Variants in BICDL2 observed in about 807,000 individuals in gnomAD.
The protein encoded by BICDL2 is BICD family like cargo adaptor 2.
BICDL2 carries 62 observed loss-of-function variants against 56.6 expected under a neutral mutation model. The observed-to-expected ratio is 1.10, with a 90% confidence interval of 0.89 to 1.35. The LOEUF is 1.35. Ranked by LOEUF, BICDL2 falls within the 40% of genes most tolerant of loss-of-function variation. BICDL2 has a pLI of 0.00. For missense variants in BICDL2, 808 were observed against 684.5 expected (o/e 1.18, Z -2.01); for synonymous variants, 358 against 319.8 (o/e 1.12, Z -1.27).
intron 2 of BICDL2, chr16:3,034,905 G>A (rs1419877889): frequency 2.9e-6 from 1 of 343,060 alleles, no homozygotes; most frequent in African/African-American, 2.1e-5. Flanking sequence ...TAGAGACAGA[G>A]TCTCACTACG....
intron 1 of BICDL2, 50 bp downstream of exon 1, chr16:3,036,833 GCCGGACCAGGC>G (rs1179676594): frequency 3.1e-6 from 1 of 322,894 alleles, no homozygotes; most frequent in Non-Finnish European, 6.0e-6. Flanking sequence ...CGCCGACGCG[GCCGGACCAGGC>G]CCTCCCCAGG....
chr16:3,035,918 A>T, intron 1 of BICDL2: 1 of 293,612 alleles, frequency 3.4e-6, no homozygotes, highest in Non-Finnish European at 6.6e-6. Flanking sequence ...CAGCAGTTGG[A>T]GTTGGGCCCA....
chr16:3,031,255 A>G, intron 2 of BICDL2, 105 bp from the exon 3 acceptor site: 1 of 994,424 alleles, frequency 1.0e-6, no homozygotes, highest in East Asian at 2.6e-5. Context: ...AGAAAGCCTA[A>G]GGGGGCCTTG....
In BICDL2 at chr16:3,030,991, G is replaced by C; in HGVS notation, c.442C>G (p.Arg148Gly). 6.4e-7 allele frequency: 1 copy of C among 1,553,842 alleles called. No individual in the cohort carries two copies. Among genetic ancestry groups the C allele is most frequent in the South Asian group, 1.2e-5 (1 of 85,142 alleles). ...EQQDSGRERA[R>G]ALSELSEQNL... is the part of the protein sequence containing the mutation. ...TGCTCGCTGAGCTCGCTGAGGGCCC[G>C]TGCCCGTTCTCGCCCACTGTCCTGC... The change falls in exon 3 of 10, where the codon CGG becomes GGG. Residue 148 changes from arginine to glycine, a missense_variant. Physicochemically the swap from Arg to Gly is moderately radical, Grantham distance 125. Transcript: ENST00000572449.
At position 3,030,957 on chromosome 16, in the gene BICDL2, C is replaced by G. The variant is rs868374217; in HGVS notation, c.476G>C (p.Arg159Pro). Residue 159 changes from arginine to proline, a missense_variant, in exon 3 of 10, where the codon CGG becomes CCG. Transcript: ENST00000572449. ...ALSELSEQNL[R>P]LSQQLAQASQ... Reference sequence around the variant, plus strand: ...CACCTGAGCCAGCTGCTGGCTGAGCCGGAGGTTCTGCTCGCTGAGCTCGCT... The same window carrying G: ...CACCTGAGCCAGCTGCTGGCTGAGCGGGAGGTTCTGCTCGCTGAGCTCGCT... 2 of 1,550,278 alleles carry G rather than the reference C, an allele frequency of 1.3e-6. No individual in the cohort carries two copies. The highest frequency in any genetic ancestry group is 8.7e-7 in the Non-Finnish European group (1 of 1,153,776).
chr16:3,029,703 T>C lies in BICDL2; in HGVS notation c.799A>G (p.Ser267Gly). The change falls in exon 6 of 10, where the codon AGT (serine) becomes GGT (glycine). Residue 267 changes from serine to glycine, a missense_variant. Coordinates refer to ENST00000572449, the MANE Select transcript of BICDL2 (RefSeq NM_001369667.1). ...CGCCGCTGCAGCCTCCGCAGCGCAC[T>C]CAGCGCCTCCCCAGCCTCTGACCGT... The part of the protein sequence containing the change: ...RARSEAGEAL[S>G]ALRRLQRRVS... The C allele has an allele frequency of 6.5e-7, 1 of 1,540,738 alleles. No individual in the cohort carries two copies. Among genetic ancestry groups the C allele is most frequent in the Non-Finnish European group, 8.7e-7 (1 of 1,150,272 alleles).
rs148635155 is a variant in BICDL2 at position 3,028,957 on chromosome 16, C to T, written c.1108-127G>A. ...CGACAGACACCCCAGGCAGCCGTGG[C>T]CCTGTGCTGGAGACTCCGATATGAG... On this transcript the variant is annotated intron_variant, in intron 7 of 9. Coordinates refer to ENST00000572449, the MANE Select transcript of BICDL2 (RefSeq NM_001369667.1). The T allele has an allele frequency of 1.0e-4, 133 of 1,301,106 alleles. 1 individual carries two copies. The East Asian group carries it at 3.2e-3, about 31-fold the overall frequency. The allele number at this position is 1,301,106 out of a possible 1,614,324, so 80.6% of individuals were successfully genotyped here.
In BICDL2 at chr16:3,031,008, C is replaced by G; in HGVS notation, c.425G>C (p.Ser142Thr). The part of the protein sequence containing the change: ...LGEQRSEQQD[S>T]GRERARALSE... ...GAGGGCCCGTGCCCGTTCTCGCCCA[C>G]TGTCCTGCTGCTCTGAGCGCTGCTC... is the stretch of plus-strand genomic sequence containing the variant. The change falls in exon 3 of 10, where the codon AGT (serine) becomes ACT (threonine). Residue 142 changes from serine to threonine, a missense_variant. Transcript: ENST00000572449. 1 of 1,552,980 alleles carries G rather than the reference C, an allele frequency of 6.4e-7. No individual in the cohort carries two copies. The highest frequency in any genetic ancestry group is 2.4e-5 in the East Asian group (1 of 41,720).
Position 3,028,430 on chromosome 16 carries a change from A to G in BICDL2, c.1277T>C (p.Leu426Pro), listed in dbSNP as rs1955590068. The G allele has an allele frequency of 6.4e-7, 1 of 1,562,070 alleles. No individual in the cohort carries two copies. Among genetic ancestry groups the G allele is most frequent in the African/African-American group, 1.4e-5 (1 of 74,050 alleles). Residue 426 changes from leucine (L) to proline (P), a missense_variant, in exon 9 of 10, where the codon CTG becomes CCG. Physicochemically the swap from Leu to Pro is moderately conservative, Grantham distance 98. Transcript: ENST00000572449. ...ELSLQLNRVS[L>P]ERDSLSRELL... ...CTCCCGAGACAGGGAGTCTCGCTCCAGCGAGACGCGGTTGAGCTGCAGGGA... is the reference window on the plus strand; with the variant it reads ...CTCCCGAGACAGGGAGTCTCGCTCCGGCGAGACGCGGTTGAGCTGCAGGGA...
At chr16:3,030,869 T>C (rs1285937286) in intron 3 of BICDL2, 57 bp from the exon 4 acceptor site, 11 of 1,553,850 alleles carry the variant, frequency 7.1e-6, no homozygotes, top group Non-Finnish European at 8.7e-6. Flanking sequence ...ATGCACCTAC[T>C]CCCCGCTGGG....
At chr16:3,028,530 C>G in intron 8 of BICDL2, 62 bp from the exon 9 acceptor site, 3 of 1,550,200 alleles carry the variant, frequency 1.9e-6, no homozygotes, top group South Asian at 1.2e-5. Flanking sequence ...GCCGGGGTGG[C>G]GGGGGACTTC....
chr16:3,030,693 C>G lies in BICDL2; in HGVS notation c.615+3G>C. The G allele has an allele frequency of 6.2e-7, 1 of 1,610,126 alleles. No homozygotes were observed. The highest frequency in any genetic ancestry group is 8.5e-7 in the Non-Finnish European group (1 of 1,179,084). ...TAATCCCCCAGCCCCAGCTGACACT[C>G]ACTTCCCCCTGCAGACTCTCCAGCC... On this transcript the variant is annotated splice_donor_region_variant and intron_variant, in intron 4 of 9. Transcript: ENST00000572449.
chr16:3,028,229 G>T lies in BICDL2; in HGVS notation c.1404C>A (p.Arg468=). ...ACGCGGAGGCGCTCAGCTCCTTCTGGCGCTGTGAGCGCAGCTGCTGCCCGA... is the reference window on the plus strand; with the variant it reads ...ACGCGGAGGCGCTCAGCTCCTTCTGTCGCTGTGAGCGCAGCTGCTGCCCGA... The part of the protein sequence containing the change: ...VVIGQQLRSQ[R]QKELSASASS... Residue 468 remains arginine (R), a synonymous_variant, in exon 10 of 10, where the codon CGC becomes CGA. Transcript: ENST00000572449. The T allele has an allele frequency of 6.8e-7, 1 of 1,471,510 alleles. No individual in the cohort carries two copies. The highest frequency in any genetic ancestry group is 8.9e-7 in the Non-Finnish European group (1 of 1,122,998). The allele number at this position is 1,471,510 out of a possible 1,614,324, so 91.2% of individuals were successfully genotyped here.
At chr16:3,035,106 C>T in intron 2 of BICDL2, 109 bp downstream of exon 2, 1 of 1,168,832 alleles carries the variant, frequency 8.6e-7, no homozygotes. Context: ...CGGCTGTCCT[C>T]CCCAGCTCCT....
chr16:3,031,368 G>A (rs557965279), intron 2 of BICDL2: 36 of 582,556 alleles, frequency 6.2e-5, no homozygotes, highest in African/African-American at 1.9e-4. Flanking sequence ...GCGTGGGCCC[G>A]GGGCAAGGGT....
rs989974917 is a variant in BICDL2 at position 3,030,460 on chromosome 16, G to T, written c.751C>A (p.His251Asn). 1.9e-6 allele frequency: 3 copies of T among 1,585,400 alleles called. No homozygotes were observed. The highest frequency in any genetic ancestry group is 1.7e-5 in the Admixed American group (1 of 57,734). Residue 251 changes from histidine (H) to asparagine (N), a missense_variant, in exon 5 of 10, where the codon CAC becomes AAC. Physicochemically the swap from His to Asn is moderately conservative, Grantham distance 68. Coordinates refer to ENST00000572449, the MANE Select transcript of BICDL2 (RefSeq NM_001369667.1). ...GCCCTGCAGGTCACCTCCAGGCTGT[G>T]CTCCCGCCGCTCCCGCCTCAGCAGC... is the stretch of plus-strand genomic sequence containing the variant. The part of the protein sequence containing the change: ...LLLLRRERRE[H>N]SLELERARSE...
chr16:3,028,402 C>G lies in BICDL2; in HGVS notation c.1305G>C (p.Leu435=). 6.4e-7 allele frequency: 1 copy of G among 1,553,734 alleles called. No homozygotes were observed. Among genetic ancestry groups the G allele is most frequent in the Non-Finnish European group, 8.6e-7 (1 of 1,158,028 alleles). ...CCACCTTCTGGCGGATGGCGCGCAGCAGCTCCCGAGACAGGGAGTCTCGCT... is the reference window on the plus strand; with the variant it reads ...CCACCTTCTGGCGGATGGCGCGCAGGAGCTCCCGAGACAGGGAGTCTCGCT... The part of the protein sequence containing the change: ...SLERDSLSRE[L]LRAIRQKVAL... Residue 435 remains leucine, a synonymous_variant, in exon 9 of 10, where the codon CTG becomes CTC. Coordinates refer to ENST00000572449, the MANE Select transcript of BICDL2 (RefSeq NM_001369667.1).
chr16:3,031,233 A>G (rs982951734), intron 2 of BICDL2, 83 bp from the exon 3 acceptor site: 1 of 1,247,328 alleles, frequency 8.0e-7, no homozygotes. Context: ...ATGGAGGGAC[A>G]GACACCTAGG....
chr16:3,031,044 G>T lies in BICDL2; in HGVS notation c.389C>A (p.Ala130Asp). Residue 130 changes from alanine (A) to aspartate (D), a missense_variant, in exon 3 of 10, where the codon GCC becomes GAC. Physicochemically the swap from Ala to Asp is moderately radical, Grantham distance 126. Coordinates refer to ENST00000572449, the MANE Select transcript of BICDL2 (RefSeq NM_001369667.1). Reference sequence around the variant, plus strand: ...CTCTGAGCGCTGCTCCCCAAGCTGGGCCCGCAGGGCCTCCACGTCCCCCTC... The same window carrying T: ...CTCTGAGCGCTGCTCCCCAAGCTGGTCCCGCAGGGCCTCCACGTCCCCCTC... ...ELEGDVEALR[A>D]QLGEQRSEQQ... 1 of 1,540,758 alleles carries T rather than the reference G, an allele frequency of 6.5e-7. No homozygotes were observed. Among genetic ancestry groups the T allele is most frequent in the East Asian group, 2.4e-5 (1 of 41,016 alleles).
Sources: allele counts gnomAD v4.1 joint callset, GRCh38; gene constraint gnomAD v4.1.1; transcripts MANE v1.5; gene names NCBI Gene and HGNC (gene_info 2026-07-23, HGNC 2026-07-21).